The following LCN12 variants were observed in gnomAD, a reference collection of about 807,000 sequenced individuals.
LCN12 encodes lipocalin 12.
Under a neutral mutation model 23.7 loss-of-function variants are expected in LCN12, and 15 were observed. That is an observed-to-expected ratio of 0.63 (90% CI 0.42 to 0.97). LCN12 has a LOEUF of 0.97. LCN12 is among the 50% of genes least tolerant of loss of function. The probability of loss-of-function intolerance (pLI) is 0.00; values close to 1 mark genes in which losing one functional copy is unlikely to be tolerated. For missense variants in LCN12, 219 were observed against 249.6 expected (o/e 0.88, Z 0.83); for synonymous variants, 116 against 111.5 (o/e 1.04, Z -0.25).
chr9:136,951,442 A>C (rs1851149160), upstream of LCN12: 1 of 152,210 alleles, frequency 6.6e-6, no homozygotes, highest in East Asian at 1.9e-4. Context: ...TTTTGTAGAG[A>C]TGGAGTCTCG....
rs557479447 is a variant in LCN12, at chr9:136,955,189, C to T, written c.551-182C>T. The T allele has an allele frequency of 5.8e-4, 818 of 1,421,438 alleles. 1 individual carries two copies. Among genetic ancestry groups the T allele is most frequent in the Non-Finnish European group, 7.0e-4 (763 of 1,091,000 alleles). The allele number at this position is 1,421,438 out of a possible 1,614,324, so 88.1% of individuals were successfully genotyped here. On this transcript the variant is annotated intron_variant, in intron 5 of 5. Transcript: ENST00000371633. ...TGGGAGCCGCTGTGGGCCACATCTT[C>T]TGCCCCTTCTCAGCCTCCCTCACCC...
chr9:136,954,503 C>G (rs1373186759), intron 5 of LCN12: 4 of 570,282 alleles, frequency 7.0e-6, no homozygotes, highest in Non-Finnish European at 9.5e-6. Context: ...GCCACCTCCT[C>G]CCGCCCCAGG....
chr9:136,950,546 TC>T (rs1851129057), upstream of LCN12, among the ~76,000 whole-genome samples: 3 of 152,230 alleles, frequency 2.0e-5, no homozygotes, highest in South Asian at 4.1e-4. Flanking sequence ...TGTGCTGTGA[TC>T]CCAAATCTCC....
At chr9:136,952,595 G>A (rs1424924098) in intron 1 of LCN12, 154 bp downstream of exon 1, 2 of 648,942 alleles carry the variant, frequency 3.1e-6, no homozygotes, top group Non-Finnish European at 5.3e-6. Flanking sequence ...CAGCAGAGGA[G>A]GGCCCAGCGC....
At position 136,953,919 on chromosome 9, in the gene LCN12, C is replaced by T. The variant is rs749653184; in HGVS notation, c.403C>T (p.Arg135Cys). Residue 135 changes from arginine (R) to cysteine (C), a missense_variant, in exon 4 of 6, where the codon CGC becomes TGC. Arg to Cys is a radical substitution (Grantham distance 180). Coordinates refer to ENST00000371633, the MANE Select transcript of LCN12 (RefSeq NM_178536.4). Reference sequence around the variant, plus strand: ...CACCCAGTTCGCCCTGATGCTGTCCCGCAGACACACGAGCAGGCTGGCCGT... The same window carrying T: ...CACCCAGTTCGCCCTGATGCTGTCCTGCAGACACACGAGCAGGCTGGCCGT... ...DYTQFALMLS[R>C]RHTSRLAVLR... is the part of the protein sequence containing the mutation. 1.2e-5 allele frequency: 20 copies of T among 1,611,498 alleles called. No homozygotes were observed. In the African/African-American group the frequency reaches 1.5e-4, roughly 12 times the overall value.
chr9:136,956,457 G>T (rs1226922589), downstream of LCN12, among the ~76,000 whole-genome samples: 1 of 152,178 alleles, frequency 6.6e-6, no homozygotes, highest in Non-Finnish European at 1.5e-5. Context: ...ATTCCTCCCT[G>T]CCCTGACGGC....
In LCN12 at chr9:136,953,744, C is replaced by T; in HGVS notation, c.296C>T (p.Ala99Val). 6.2e-7 allele frequency: 1 copy of T among 1,605,740 alleles called. No individual in the cohort carries two copies. The highest frequency in any genetic ancestry group is 8.5e-7 in the Non-Finnish European group (1 of 1,176,520). Residue 99 changes from alanine (A) to valine (V), a missense_variant, in exon 3 of 6, where the codon GCC becomes GTC. Coordinates refer to ENST00000371633, the MANE Select transcript of LCN12 (RefSeq NM_178536.4). ...TGGTCTTATGTGCTGATACCGGCAG[C>T]CCAGCCTGGGCAGTTCACTGTGGAC... is the stretch of plus-strand genomic sequence containing the variant. ...DTWSYVLIPA[A>V]QPGQFTVDHG...
chr9:136,951,730 C>T (rs2131373648), upstream of LCN12, among the ~76,000 whole-genome samples: 1 of 152,380 alleles, frequency 6.6e-6, no homozygotes, highest in East Asian at 1.9e-4. Context: ...GCTCGGGCCA[C>T]CTCCACCCCG....
In LCN12 at chr9:136,955,357, A is replaced by G; in HGVS notation, c.551-14A>G. On this transcript the variant is annotated splice_polypyrimidine_tract_variant and intron_variant, in intron 5 of 5. Coordinates refer to ENST00000371633, the MANE Select transcript of LCN12 (RefSeq NM_178536.4). ...CCCCTTTGTCCTCCATCCCGACTCC[A>G]TCTCCCCCACCAGGCTGGTCACCCC... The G allele has an allele frequency of 1.9e-6, 3 of 1,611,018 alleles. No individual in the cohort carries two copies. The highest frequency in any genetic ancestry group is 2.5e-6 in the Non-Finnish European group (3 of 1,178,610).
At chr9:136,956,123 C>CGGTG (rs1564450065), downstream of LCN12, among the ~76,000 whole-genome samples, 1 of 152,132 alleles carries the variant, frequency 6.6e-6, no homozygotes, top group Non-Finnish European at 1.5e-5. Flanking sequence ...CCACCCCCAC[C>CGGTG]GGCCAGCCAG....
At chr9:136,953,236 G>A (rs927174678) in intron 2 of LCN12, among the ~76,000 whole-genome samples, 2 of 151,626 alleles carry the variant, frequency 1.3e-5, no homozygotes, top group Non-Finnish European at 2.9e-5. Flanking sequence ...CTAGCACTTC[G>A]GGGGCCGGGT....
rs778618126 is a variant in LCN12, at chr9:136,952,280, C to T, written c.-48C>T. ...GAGGTGGGTCTCTGGGTCACCTGCCCATGGCCACTTCCTTCTCTCTGTCCC... is the reference window on the plus strand; with the variant it reads ...GAGGTGGGTCTCTGGGTCACCTGCCTATGGCCACTTCCTTCTCTCTGTCCC... On this transcript the variant is annotated 5_prime_UTR_variant, in exon 1 of 6. Coordinates refer to ENST00000371633, the MANE Select transcript of LCN12 (RefSeq NM_178536.4). The T allele has an allele frequency of 1.9e-5, 26 of 1,389,528 alleles. No individual in the cohort carries two copies. The highest frequency in any genetic ancestry group is 2.3e-5 in the Non-Finnish European group (23 of 991,556). The allele number at this position is 1,389,528 out of a possible 1,614,324, so 86.1% of individuals were successfully genotyped here. A position where few individuals can be genotyped will look rare whatever the true frequency, so the allele number is the denominator to read the frequency against.
In LCN12 at chr9:136,953,728, G is replaced by A. The variant is rs1331624505; in HGVS notation, c.280G>A (p.Val94Met). 1.9e-6 allele frequency: 3 copies of A among 1,603,170 alleles called. No individual in the cohort carries two copies. The highest frequency in any genetic ancestry group is 1.7e-6 in the Non-Finnish European group (2 of 1,175,194). ...RGQHCDTWSYVLIPAAQPGQF... is the reference protein window; with the variant it reads ...RGQHCDTWSYMLIPAAQPGQF... ...CCAGCACTGTGACACATGGTCTTATGTGCTGATACCGGCAGCCCAGCCTGG... is the reference window on the plus strand; with the variant it reads ...CCAGCACTGTGACACATGGTCTTATATGCTGATACCGGCAGCCCAGCCTGG... Residue 94 changes from valine (V) to methionine (M), a missense_variant, in exon 3 of 6, where the codon GTG becomes ATG. By Grantham distance (21) the Val-to-Met change is conservative. Coordinates refer to ENST00000371633, the MANE Select transcript of LCN12 (RefSeq NM_178536.4).
Position 136,953,719 on chromosome 9 carries a change from T to C in LCN12, c.271T>C (p.Trp91Arg), listed in dbSNP as rs757930089. ...AMTRGQHCDT[W>R]SYVLIPAAQP... ...CTACAGAGGCCAGCACTGTGACACATGGTCTTATGTGCTGATACCGGCAGC... is the reference window on the plus strand; with the variant it reads ...CTACAGAGGCCAGCACTGTGACACACGGTCTTATGTGCTGATACCGGCAGC... Residue 91 changes from tryptophan (W) to arginine (R), a missense_variant, in exon 3 of 6, where the codon TGG (tryptophan) becomes CGG (arginine). Coordinates refer to ENST00000371633, the MANE Select transcript of LCN12 (RefSeq NM_178536.4). The C allele has an allele frequency of 1.3e-6, 2 of 1,599,844 alleles. No homozygotes were observed. The highest frequency in any genetic ancestry group is 4.5e-5 in the East Asian group (2 of 44,556).
chr9:136,950,055 A>G (rs1851111959), upstream of LCN12, among the ~76,000 whole-genome samples: 1 of 152,110 alleles, frequency 6.6e-6, no homozygotes, highest in Non-Finnish European at 1.5e-5. Flanking sequence ...AGGTGCCTCA[A>G]GGCCCGCGTC....
upstream of LCN12, among the ~76,000 whole-genome samples, chr9:136,949,284 G>A (rs1380542972): frequency 6.6e-6 from 1 of 152,236 alleles, no homozygotes; most frequent in East Asian, 1.9e-4. Flanking sequence ...ATTGTTAGCA[G>A]TCTTGCCCAA....
At chr9:136,953,386 ACACCTGTAATCCTAGCACTTTG>A (rs1851220192) in intron 2 of LCN12, 2 of 401,578 alleles carry the variant, frequency 5.0e-6, no homozygotes, top group East Asian at 1.1e-4. Flanking sequence ...GCGGTCGCGC[ACACCTGTAATCCTAGCACTTTG>A]GGGGCCGGGC....
At position 136,952,339 on chromosome 9, in the gene LCN12, G is replaced by C; in HGVS notation, c.12G>C (p.Leu4=). 6.2e-7 allele frequency: 1 copy of C among 1,610,948 alleles called. No individual in the cohort carries two copies. Among genetic ancestry groups the C allele is most frequent in the Non-Finnish European group, 8.5e-7 (1 of 1,178,676 alleles). The part of the protein sequence containing the change: MRL[L]CGLWLWLSLL... ...CAGCAGCTGCCAGGATGAGGCTGCT[G>C]TGTGGCCTGTGGCTGTGGCTCTCCT... The change falls in exon 1 of 6, where the codon CTG becomes CTC. Residue 4 remains leucine, a synonymous_variant. Transcript: ENST00000371633.
chr9:136,954,800 G>A (rs1851283839), intron 5 of LCN12: 2 of 1,288,622 alleles, frequency 1.6e-6, no homozygotes, highest in Admixed American at 4.6e-5. Flanking sequence ...GGCCCCCAAG[G>A]CCTGACTCTT....
Sources: gnomAD v4.1 joint callset for allele counts (sites outside exome capture counted in the v4.1 genomes callset) on GRCh38, gnomAD v4.1.1 for gene constraint, MANE v1.5 for transcripts, NCBI Gene and HGNC (gene_info 2026-07-23, HGNC 2026-07-21) for gene names.